Variants in ACAD9 observed in about 807,000 individuals in gnomAD.
The protein encoded by ACAD9 is acyl-CoA dehydrogenase family member 9.
Under a neutral mutation model 70.2 loss-of-function variants are expected in ACAD9, and 53 were observed. That is an observed-to-expected ratio of 0.75 (90% CI 0.61 to 0.95). ACAD9 has a LOEUF of 0.95. Ranked by LOEUF, ACAD9 falls within the 40% of genes least tolerant of loss-of-function variation. The probability of loss-of-function intolerance (pLI) is 0.00; values close to 1 mark genes in which losing one functional copy is unlikely to be tolerated. For missense variants in ACAD9, 777 were observed against 802.8 expected (o/e 0.97, Z 0.39); for synonymous variants, 313 against 312.1 (o/e 1.00, Z -0.03).
chr3:128,906,036 G>C (rs186712694), intron 11 of ACAD9, 85 bp from the exon 12 acceptor site: 5 of 1,594,106 alleles, frequency 3.1e-6, no homozygotes. Flanking sequence ...CCCCAAGCCC[G>C]TGTGCCTCCC....
intron 6 of ACAD9, chr3:128,898,319 T>C (rs945278001): frequency 1.5e-5 from 6 of 412,250 alleles, no homozygotes; most frequent in Non-Finnish European, 2.9e-5. Context: ...TCAGCATGCC[T>C]CTCTAAAAGA....
At chr3:128,910,383 ACCCCCAG>A (rs991178766) in intron 16 of ACAD9, 100 of 1,447,098 alleles carry the variant, frequency 6.9e-5, no homozygotes, top group Non-Finnish European at 8.5e-5. Context: ...CAGTGCCCCT[ACCCCCAG>A]CAAGGGACAG....
chr3:128,890,497 TC>T (rs767354733), intron 2 of ACAD9, among the ~76,000 whole-genome samples: 1 of 151,962 alleles, frequency 6.6e-6, no homozygotes, highest in Non-Finnish European at 1.5e-5. Context: ...GGTCAGGAGA[TC>T]GACACCATCC....
chr3:128,906,479 G>C (rs2107659831), intron 12 of ACAD9, among the ~76,000 whole-genome samples: 1 of 152,308 alleles, frequency 6.6e-6, no homozygotes, highest in East Asian at 1.9e-4. Context: ...AGGGAACTGG[G>C]GCCACAGAGA....
intron 4 of ACAD9, among the ~76,000 whole-genome samples, 158 bp downstream of exon 4, chr3:128,895,574 T>G (rs749918434): frequency 1.3e-5 from 2 of 152,170 alleles, no homozygotes; most frequent in Non-Finnish European, 2.9e-5. Context: ...CTCATGGTGC[T>G]CAATCCTCAC....
In ACAD9 at chr3:128,904,483, C is replaced by T; in HGVS notation, c.1127C>T (p.Ser376Phe). 1 of 1,614,162 alleles carries T rather than the reference C, an allele frequency of 6.2e-7. No individual in the cohort carries two copies. The change falls in exon 11 of 18, where the codon TCC becomes TTC. Residue 376 changes from serine (S) to phenylalanine (F), a missense_variant. Transcript: ENST00000308982. The stretch of plus-strand genomic sequence containing the variant: ...GACCAACCTGGCTTTCCCGACTGCT[C>T]CATCGAGGCAGCCATGGTGAAGGTA... ...MLDQPGFPDC[S>F]IEAAMVKVFS... is the part of the protein sequence containing the mutation.
chr3:128,898,434 C>T, intron 6 of ACAD9: 1 of 439,244 alleles, frequency 2.3e-6, no homozygotes. Context: ...GAGACAGGGT[C>T]CCGCTCTGTC....
chr3:128,888,678 T>TA (rs201108858), intron 2 of ACAD9, among the ~76,000 whole-genome samples: 4,387 of 152,338 alleles, frequency 0.029, 107 homozygotes, highest in South Asian at 0.11. Context: ...CAGCTGTCAT[T>TA]ACATTGCTTG....
In ACAD9 at chr3:128,879,792, C is replaced by G. The variant is rs11542652; in HGVS notation, c.101C>G (p.Pro34Arg). 4.3e-6 allele frequency: 7 copies of G among 1,614,048 alleles called. No individual in the cohort carries two copies. Among genetic ancestry groups the G allele is most frequent in the Non-Finnish European group, 5.9e-6 (7 of 1,180,024 alleles). Residue 34 changes from proline to arginine, a missense_variant, in exon 1 of 18, where the codon CCG becomes CGG. By Grantham distance (103) the Pro-to-Arg change is moderately radical. Coordinates refer to ENST00000308982, the MANE Select transcript of ACAD9 (RefSeq NM_014049.5). ...TANRRLLRTS[P>R]PVRAFAKELF... is the part of the protein sequence containing the mutation. ...AACCGGCGGCTACTGCGCACCAGCC[C>G]GCCTGTACGAGCTTTCGCCAAAGAG...
chr3:128,910,301 AG>A, intron 16 of ACAD9, 152 bp downstream of exon 16: 3 of 1,500,214 alleles, frequency 2.0e-6, no homozygotes, highest in Non-Finnish European at 2.7e-6. Context: ...TGTGCTGCTC[AG>A]GAGATGGGGC....
At chr3:128,906,011 C>G (rs1378222374) in intron 11 of ACAD9, 110 bp from the exon 12 acceptor site, 1 of 1,492,022 alleles carries the variant, frequency 6.7e-7, no homozygotes, top group African/African-American at 1.4e-5. Flanking sequence ...CAAGTTCCTC[C>G]CTGGCCGATC....
chr3:128,903,199 G>A (rs1027364611), intron 9 of ACAD9, among the ~76,000 whole-genome samples: 5 of 152,198 alleles, frequency 3.3e-5, no homozygotes, highest in Admixed American at 1.3e-4. Flanking sequence ...AAGCATTTGC[G>A]GGGAAATGGG....
intron 12 of ACAD9, among the ~76,000 whole-genome samples, 182 bp from the exon 13 acceptor site, chr3:128,908,003 T>TCCCTCCTCATC (rs1935945938): frequency 6.6e-6 from 1 of 152,058 alleles, no homozygotes; most frequent in African/African-American, 2.4e-5. Flanking sequence ...TCTGGTCACC[T>TCCCTCCTCATC]CCCTCCTCAT....
At chr3:128,887,630 TAAAA>T (rs1363625227) in intron 2 of ACAD9, among the ~76,000 whole-genome samples, 19 of 89,180 alleles carry the variant, frequency 2.1e-4, no homozygotes, top group African/African-American at 8.0e-4. Flanking sequence ...AAAATAAAAA[TAAAA>T]AAATAAATAA....
intron 14 of ACAD9, 61 bp from the exon 15 acceptor site, chr3:128,909,283 T>A: frequency 6.2e-7 from 1 of 1,602,466 alleles, no homozygotes; most frequent in South Asian, 1.1e-5. Context: ...ACCCGGGCTG[T>A]GAGACAGGAC....
chr3:128,912,282 G>A (rs935052904), intron 17 of ACAD9, among the ~76,000 whole-genome samples: 2 of 152,152 alleles, frequency 1.3e-5, no homozygotes, highest in Non-Finnish European at 2.9e-5. Flanking sequence ...GAGATCTGGG[G>A]GTTAGAGATG....
intron 2 of ACAD9, among the ~76,000 whole-genome samples, chr3:128,892,349 C>A (rs773340537): frequency 6.6e-6 from 1 of 152,108 alleles, no homozygotes; most frequent in African/African-American, 2.4e-5. Context: ...ATCTGTAGTT[C>A]TCTTAGTGAC....
At chr3:128,906,947 G>T (rs1680789) in intron 12 of ACAD9, among the ~76,000 whole-genome samples, 88,088 of 152,100 alleles carry the variant, frequency 0.58, 28,414 homozygotes, top group African/African-American at 0.87. Context: ...TGTGGGAAAT[G>T]CCCCCAGGGG....
At position 128,908,183 on chromosome 3, in the gene ACAD9, A is replaced by C. The variant is rs754311198; in HGVS notation, c.1279-2A>C. 2.5e-6 allele frequency: 4 copies of C among 1,613,976 alleles called. No individual in the cohort carries two copies. In the South Asian group the frequency reaches 3.3e-5, roughly 13 times the overall value. ...CTTTGACCTCTACACTACTGACCAC[A>C]GGGAACCAATGAGATTCTCCGGATG... On this transcript the variant is annotated splice_acceptor_variant, in intron 12 of 17. Coordinates refer to ENST00000308982, the MANE Select transcript of ACAD9 (RefSeq NM_014049.5). LOFTEE classifies it high-confidence loss of function.
Sources: gnomAD v4.1 joint callset for allele counts (sites outside exome capture counted in the v4.1 genomes callset) on GRCh38, gnomAD v4.1.1 for gene constraint, MANE v1.5 for transcripts, NCBI Gene and HGNC (gene_info 2026-07-23, HGNC 2026-07-21) for gene names.